The following ODF2L variants were observed in gnomAD, a reference collection of about 807,000 sequenced individuals.
ODF2L encodes the protein protein BCAP.
Under a neutral mutation model 86.3 loss-of-function variants are expected in ODF2L, and 76 were observed. The ratio of observed to expected loss-of-function variants is 0.88; its 90% CI spans 0.73 to 1.07. ODF2L has a LOEUF of 1.07. Among genes scored for constraint, ODF2L ranks in the 50% least tolerant of loss-of-function variants. The pLI, the probability that ODF2L is intolerant of heterozygous loss-of-function variation, is 0.00. For missense variants in ODF2L, 748 were observed against 717.4 expected (o/e 1.04, Z -0.49); for synonymous variants, 241 against 231.3 (o/e 1.04, Z -0.38).
At chr1:86,351,127 T>C (rs1658107052) in exon 18 of ODF2L, 1 of 152,232 alleles carries the variant, frequency 6.6e-6, no homozygotes, top group Admixed American at 6.5e-5. Flanking sequence ...TTGGCTTTTA[T>C]TGCCATTACT....
At chr1:86,353,286 C>A (rs572511761) in intron 16 of ODF2L, among the ~76,000 whole-genome samples, 1 of 152,098 alleles carries the variant, frequency 6.6e-6, no homozygotes, top group Non-Finnish European at 1.5e-5. Context: ...GACCAATTAC[C>A]ATTTTTATAG....
chr1:86,352,178 A>T (rs762446940), exon 18 of ODF2L: 23 of 1,520,342 alleles, frequency 1.5e-5, no homozygotes, highest in Non-Finnish European at 2.0e-5. Flanking sequence ...CTTGGGAATT[A>T]AAAAAATAGA....
In ODF2L at chr1:86,376,288, CT is replaced by C; in HGVS notation, c.754del (p.Arg252GlyfsTer41). ...AATAGCTCCTGTAAAATGGTCAAGC[CT>C]TTGTTTGTAAACTTTAGATGCCTTT... On this transcript the variant is annotated frameshift_variant, in exon 8 of 18. Transcript: ENST00000317336. LOFTEE classifies it high-confidence loss of function. The C allele has an allele frequency of 6.2e-7, 1 of 1,613,042 alleles. No individual in the cohort carries two copies. Among genetic ancestry groups the C allele is most frequent in the Non-Finnish European group, 8.5e-7 (1 of 1,179,406 alleles).
At chr1:86,391,467 T>C (rs560117451) in intron 1 of ODF2L, among the ~76,000 whole-genome samples, 1 of 152,170 alleles carries the variant, frequency 6.6e-6, no homozygotes, top group Non-Finnish European at 1.5e-5. Flanking sequence ...GGTACTGGTA[T>C]AAAAATAGGC....
intron 1 of ODF2L, among the ~76,000 whole-genome samples, chr1:86,388,823 T>C (rs1195310060): frequency 6.6e-6 from 1 of 152,150 alleles, no homozygotes; most frequent in East Asian, 1.9e-4. Context: ...CTGCCACTTA[T>C]CTTAAAGGGT....
chr1:86,354,658 G>A, exon 16 of ODF2L: 1 of 1,611,836 alleles, frequency 6.2e-7, no homozygotes. Context: ...TTCTTCTCAA[G>A]CTCTTTATTT....
intron 7 of ODF2L, among the ~76,000 whole-genome samples, chr1:86,380,162 G>C (rs777981163): frequency 6.6e-6 from 1 of 152,040 alleles, no homozygotes; most frequent in Non-Finnish European, 1.5e-5. Flanking sequence ...AAATTGCAAA[G>C]GAGTCACAGT....
chr1:86,354,149 TG>T (rs1376872719), intron 16 of ODF2L, among the ~76,000 whole-genome samples: 1 of 152,250 alleles, frequency 6.6e-6, no homozygotes, highest in Non-Finnish European at 1.5e-5. Context: ...TAATATTGTA[TG>T]TATTTATCTA....
chr1:86,356,517 C>T lies in ODF2L; in HGVS notation c.1445G>A (p.Cys482Tyr), dbSNP rs764012831. Residue 482 changes from cysteine to tyrosine, a missense_variant, in exon 14 of 18, where the codon TGT (cysteine) becomes TAT (tyrosine). Coordinates refer to ENST00000317336, the Ensembl canonical transcript of ODF2L. ...CTTGCAGCACTGCAGACTCTCCTGA[C>T]ACTCGTGAAGCCTCCGTTCCGCCGC... 9 of 1,614,092 alleles carry T rather than the reference C, an allele frequency of 5.6e-6. No homozygotes were observed. The Admixed American group carries it at 1.5e-4, about 27-fold the overall frequency.
chr1:86,372,187 CAA>C (rs5775905), intron 9 of ODF2L, among the ~76,000 whole-genome samples: 10 of 116,354 alleles, frequency 8.6e-5, no homozygotes, highest in Non-Finnish European at 5.3e-5. Flanking sequence ...GACTCCATCT[CAA>C]AAAAAAAAAA....
intron 1 of ODF2L, among the ~76,000 whole-genome samples, chr1:86,389,762 T>C (rs553248161): frequency 7.6e-4 from 115 of 152,200 alleles, no homozygotes; most frequent in African/African-American, 2.7e-3. Flanking sequence ...TATGAACACC[T>C]TTACACACAT....
rs148027595 is a variant in ODF2L at position 86,369,589 on chromosome 1, A to G, written c.1057-867T>C. On this transcript the variant is annotated intron_variant, in intron 10 of 17. Transcript: ENST00000317336. ...CTGAAACTCAACATCAAGATGAGAA[A>G]AGTTACAACTTTGTAAACCTACAAA... is the stretch of plus-strand genomic sequence containing the variant. 1.3e-3 allele frequency among the ~76,000 whole-genome samples: 194 copies of G among 152,316 alleles called. 1 individual carries two copies. Among genetic ancestry groups the G allele is most frequent in the African/African-American group, 4.5e-3 (187 of 41,568 alleles).
chr1:86,365,302 G>T (rs536671409), intron 11 of ODF2L, among the ~76,000 whole-genome samples: 1 of 152,078 alleles, frequency 6.6e-6, no homozygotes, highest in Non-Finnish European at 1.5e-5. Context: ...TAGCCATTAC[G>T]GTTGCTACTC....
chr1:86,368,591 C>T (rs776734722), intron 11 of ODF2L: 59 of 1,287,812 alleles, frequency 4.6e-5, no homozygotes, highest in Non-Finnish European at 5.2e-5. Context: ...ATTTCCTGTG[C>T]TGATGAGGTA....
At chr1:86,348,089 A>G (rs1470874937), downstream of ODF2L, 1 of 152,128 alleles carries the variant, frequency 6.6e-6, no homozygotes, top group Non-Finnish European at 1.5e-5. Flanking sequence ...TATAAAACGA[A>G]TAAAAGAGAG....
At chr1:86,350,419 CA>C (rs1181045823) in exon 18 of ODF2L, 4 of 152,176 alleles carry the variant, frequency 2.6e-5, no homozygotes, top group African/African-American at 9.7e-5. Context: ...CATGTCCCTG[CA>C]AAGGACATGA....
chr1:86,379,787 T>C (rs1255934257), intron 7 of ODF2L, among the ~76,000 whole-genome samples: 1 of 152,202 alleles, frequency 6.6e-6, no homozygotes, highest in Non-Finnish European at 1.5e-5. Flanking sequence ...AACACAGGTT[T>C]AGATAAATTA....
In ODF2L at chr1:86,383,012, A is replaced by T. The variant is rs1170449624; in HGVS notation, c.436-10T>A. 1 of 1,438,782 alleles carries T rather than the reference A, an allele frequency of 7.0e-7. No individual in the cohort carries two copies. Among genetic ancestry groups the T allele is most frequent in the Admixed American group, 1.7e-5 (1 of 58,728 alleles). The allele number at this position is 1,438,782 out of a possible 1,614,324, so 89.1% of individuals were successfully genotyped here. On this transcript the variant is annotated splice_polypyrimidine_tract_variant and intron_variant, in intron 5 of 17. Transcript: ENST00000317336. ...CCTTCTTCTTAAGATTCTTGAGCAA[A>T]TATAAAATAAGAATTAGGAATTTCA...
In ODF2L at chr1:86,376,650, AG is replaced by A. The variant is rs369510738; in HGVS notation, c.625-233del. Among the ~76,000 whole-genome samples the A allele has an allele frequency of 3.8e-3, 574 of 152,270 alleles. 3 individuals are homozygous for A. The highest frequency in any genetic ancestry group is 0.013 in the African/African-American group (533 of 41,562). On this transcript the variant is annotated intron_variant, in intron 7 of 17. Transcript: ENST00000317336. ...TACAATCATTGTAGAAGGCAGAGGA[AG>A]AAAGGACCTTCTTCACATGGCGACA...
Sources: gnomAD v4.1 joint callset for allele counts (sites outside exome capture counted in the v4.1 genomes callset) on GRCh38, gnomAD v4.1.1 for gene constraint, MANE v1.5 for transcripts, NCBI Gene and HGNC (gene_info 2026-07-23, HGNC 2026-07-21) for gene names.